Variants in TRIM37 observed in about 807,000 individuals in gnomAD.
TRIM37 encodes the protein tripartite motif containing 37, also known as E3 ubiquitin-protein ligase TRIM37.
TRIM37 carries 80 observed loss-of-function variants against 129.8 expected under a neutral mutation model. The ratio of observed to expected loss-of-function variants is 0.62; its 90% confidence interval spans 0.51 to 0.74. TRIM37 has a LOEUF of 0.74. TRIM37 is among the 30% of genes least tolerant of loss of function. The probability of loss-of-function intolerance (pLI) is 0.00; values close to 1 mark genes in which losing one functional copy is unlikely to be tolerated. For synonymous variants in TRIM37, 389 were observed against 387.1 expected, an observed-to-expected ratio of 1.00 and a Z score of -0.06; for missense variants, 1,054 against 1,176.5, an observed-to-expected ratio of 0.90 and a Z score of 1.52.
At chr17:59,053,098 AC>A in intron 13 of TRIM37, among the ~76,000 whole-genome samples, 1 of 152,346 alleles carries the variant, frequency 6.6e-6, no homozygotes, top group Middle Eastern at 3.4e-3. Context: ...CACTGGTAAG[AC>A]ATTAAAGTAA....
chr17:58,994,064 G>C (rs913530690), downstream of TRIM37, among the ~76,000 whole-genome samples: 3 of 152,304 alleles, frequency 2.0e-5, no homozygotes, highest in Admixed American at 6.5e-5. Flanking sequence ...GAAGCTACTT[G>C]TATATTAGGG....
intron 11 of TRIM37, among the ~76,000 whole-genome samples, chr17:59,062,230 T>C (rs540060101): frequency 7.2e-5 from 11 of 152,272 alleles, no homozygotes; most frequent in African/African-American, 2.2e-4. Context: ...AAAATGGAAT[T>C]GCATATTGAA....
At position 59,064,387 on chromosome 17, in the gene TRIM37, G is replaced by A. The variant is rs776019614; in HGVS notation, c.828C>T (p.Tyr276=). 1.4e-5 allele frequency: 23 copies of A among 1,595,840 alleles called. No homozygotes were observed. Among genetic ancestry groups the A allele is most frequent in the Middle Eastern group, 1.8e-4 (1 of 5,638 alleles). ...TCTCTAAAACAAAAGTAGCTGAATCGTAAGATGGCACTAATTCACTAAAAA... is the reference window on the plus strand; with the variant it reads ...TCTCTAAAACAAAAGTAGCTGAATCATAAGATGGCACTAATTCACTAAAAA... The part of the protein sequence containing the change: ...PDFTSELVPS[Y]DSATFVLENF... Residue 276 remains tyrosine (Y), a synonymous_variant, in exon 10 of 24, where the codon TAC becomes TAT. Transcript: ENST00000262294.
chr17:59,098,207 T>C (rs1767280973), intron 2 of TRIM37, among the ~76,000 whole-genome samples: 1 of 152,180 alleles, frequency 6.6e-6, no homozygotes, highest in South Asian at 2.1e-4. Context: ...GAATAGTGGT[T>C]AACAGGGGCT....
chr17:59,042,438 AAAAAAAAAAAAATAT>A (rs201365056), intron 16 of TRIM37, among the ~76,000 whole-genome samples: 1,313 of 75,122 alleles, frequency 0.017, 40 homozygotes, highest in African/African-American at 0.069. Flanking sequence ...ATTTAAAAAA[AAAAAAAAAAAAATAT>A]ATATATATAT....
At chr17:59,031,147 TTTGA>T (rs2037801129) in intron 18 of TRIM37, among the ~76,000 whole-genome samples, 1 of 152,202 alleles carries the variant, frequency 6.6e-6, no homozygotes, top group South Asian at 2.1e-4. Context: ...TGCCTTGGAC[TTTGA>T]TTGAAAAATG....
chr17:58,979,913 C>A, downstream of TRIM37: 1 of 1,351,276 alleles, frequency 7.4e-7, no homozygotes, highest in Non-Finnish European at 1.0e-6. Context: ...TGGTCATAAA[C>A]GTTCTTAGCA....
chr17:59,030,281 A>C (rs1352115038), intron 18 of TRIM37, among the ~76,000 whole-genome samples: 1 of 152,018 alleles, frequency 6.6e-6, no homozygotes, highest in East Asian at 1.9e-4. Context: ...AATTTTTTGT[A>C]TTTTTAGTAG....
the TRIM37 span, among the ~76,000 whole-genome samples, chr17:58,970,117 A>T: frequency 2.0e-3 from 310 of 152,290 alleles, 3 homozygotes; most frequent in Non-Finnish European, 3.2e-4. Context: ...AGAAACAGAA[A>T]CTGGGATTAC....
At chr17:59,099,098 G>A (rs938818443) in intron 2 of TRIM37, among the ~76,000 whole-genome samples, 5 of 152,186 alleles carry the variant, frequency 3.3e-5, no homozygotes, top group South Asian at 4.2e-4. Flanking sequence ...CAGCAGACTC[G>A]CTTGAACCTC....
intron 19 of TRIM37, among the ~76,000 whole-genome samples, chr17:59,025,258 T>C (rs376789231): frequency 6.6e-6 from 1 of 152,064 alleles, no homozygotes; most frequent in Admixed American, 6.6e-5. Flanking sequence ...ATTAATGACC[T>C]ATATGTAAAA....
chr17:59,001,828 C>T, intron 22 of TRIM37, 114 bp from the exon 23 acceptor site: 1 of 1,422,018 alleles, frequency 7.0e-7, no homozygotes, highest in Non-Finnish European at 9.6e-7. Flanking sequence ...CATGGAATGC[C>T]AAGAATTCAA....
intron 19 of TRIM37, among the ~76,000 whole-genome samples, chr17:59,017,799 ATT>A (rs923159680): frequency 6.6e-6 from 1 of 151,856 alleles, no homozygotes; most frequent in Non-Finnish European, 1.5e-5. Flanking sequence ...TAATTTTTGT[ATT>A]TTTAGTAGAG....
At chr17:58,979,189 G>C (rs2143811685), downstream of TRIM37, among the ~76,000 whole-genome samples, 1 of 152,306 alleles carries the variant, frequency 6.6e-6, no homozygotes, top group Middle Eastern at 3.4e-3. Flanking sequence ...TAACAATAAA[G>C]ACAGAAGTGG....
chr17:59,089,027 T>G (rs1488410587), intron 3 of TRIM37, among the ~76,000 whole-genome samples: 1 of 151,922 alleles, frequency 6.6e-6, no homozygotes, highest in Non-Finnish European at 1.5e-5. Flanking sequence ...TTTGGGAGGC[T>G]GAGGCAGGTA....
intron 2 of TRIM37, among the ~76,000 whole-genome samples, chr17:59,099,834 G>C (rs555997224): frequency 6.6e-6 from 1 of 151,962 alleles, no homozygotes; most frequent in African/African-American, 2.4e-5. Flanking sequence ...ACAGAGTTTC[G>C]CTCTTGTTGC....
chr17:58,999,564 A>G (rs1257634981), intron 23 of TRIM37, 105 bp from the exon 24 acceptor site: 4 of 964,742 alleles, frequency 4.1e-6, no homozygotes, highest in Non-Finnish European at 6.1e-6. Flanking sequence ...GTGTTATTTA[A>G]GTGATAAAGA....
intron 2 of TRIM37, among the ~76,000 whole-genome samples, chr17:59,094,258 T>C (rs1185532324): frequency 1.3e-5 from 2 of 152,194 alleles, no homozygotes. Context: ...AGAAAAGCAA[T>C]GTTTCTCTCA....
chr17:58,999,870 A>G (rs2033459731), intron 23 of TRIM37, among the ~76,000 whole-genome samples: 2 of 152,232 alleles, frequency 1.3e-5, no homozygotes, highest in South Asian at 4.1e-4. Flanking sequence ...ACCCACCAGC[A>G]CTCCAAATAA....
Sources: allele counts gnomAD v4.1 joint callset (sites outside exome capture counted in the v4.1 genomes callset), GRCh38; gene constraint gnomAD v4.1.1; transcripts MANE v1.5; gene names NCBI Gene and HGNC (gene_info 2026-07-23, HGNC 2026-07-21).